The following RIMBP2 variants were observed in gnomAD, a reference collection of about 807,000 sequenced individuals.
RIMBP2 encodes the protein RIMS binding protein 2.
In RIMBP2, 48 loss-of-function variants were observed where a neutral mutation model predicts 118.6. That is an observed-to-expected ratio of 0.40 (90% confidence interval 0.32 to 0.51). The LOEUF (loss-of-function observed/expected upper bound fraction) is 0.51. RIMBP2 is among the 20% of genes least tolerant of loss of function. The pLI is 0.41. For synonymous variants in RIMBP2, 762 were observed against 742.9 expected (o/e 1.03, Z -0.42); for missense variants, 1,551 against 1,768.3 (o/e 0.88, Z 2.20).
chr12:130,646,109 AC>A lies in RIMBP2; in HGVS notation c.-351-17654del, dbSNP rs1566422108. On this transcript the variant is annotated intron_variant, in intron 1 of 22. Transcript: ENST00000690449. Reference sequence around the variant, plus strand: ...CACTTCCCTCTCCACCTCCCTCTCCACCTCCCTCACCACCTGCCTCTCCACC... The same window carrying A: ...CACTTCCCTCTCCACCTCCCTCTCCACTCCCTCACCACCTGCCTCTCCACC... 7.1e-4 allele frequency among the ~76,000 whole-genome samples: 90 copies of A among 127,262 alleles called. 7 individuals are homozygous for A. The highest frequency in any genetic ancestry group is 8.3e-3 in the Middle Eastern group (2 of 242). 83.5% of individuals were successfully genotyped at this position (127,262 alleles called of 152,430 possible).
chr12:130,562,337 T>A (rs1277918951), intron 2 of RIMBP2, among the ~76,000 whole-genome samples: 1 of 152,224 alleles, frequency 6.6e-6, no homozygotes, highest in Non-Finnish European at 1.5e-5. Context: ...TTAATTGAAA[T>A]GGAAAATTAT....
At chr12:130,685,389 A>T (rs543567947) in intron 1 of RIMBP2, among the ~76,000 whole-genome samples, 1 of 152,366 alleles carries the variant, frequency 6.6e-6, no homozygotes, top group South Asian at 2.1e-4. Flanking sequence ...ACAGATGTTA[A>T]AAATGGAACC....
At chr12:130,706,156 C>G (rs2066108438) in intron 1 of RIMBP2, among the ~76,000 whole-genome samples, 1 of 152,210 alleles carries the variant, frequency 6.6e-6, no homozygotes, top group Non-Finnish European at 1.5e-5. Context: ...ATTCCAGGCC[C>G]TGTTCTAAAT....
At chr12:130,609,400 A>C (rs1191684957) in intron 2 of RIMBP2, among the ~76,000 whole-genome samples, 1 of 131,178 alleles carries the variant, frequency 7.6e-6, no homozygotes, top group African/African-American at 2.8e-5. Flanking sequence ...TGATGTTGGC[A>C]GGGCCTTGAT....
intron 1 of RIMBP2, among the ~76,000 whole-genome samples, chr12:130,708,576 A>ATT (rs1566473567): frequency 3.3e-5 from 5 of 152,002 alleles, no homozygotes; most frequent in Non-Finnish European, 4.4e-5. Flanking sequence ...AGTCCCAGAT[A>ATT]CAAAGGATGC....
In RIMBP2 at chr12:130,610,090, T is replaced by C. The variant is rs545200257; in HGVS notation, c.-217+18232A>G. 1.1e-4 allele frequency among the ~76,000 whole-genome samples: 16 copies of C among 152,294 alleles called. No individual in the cohort carries two copies. In the South Asian group the frequency reaches 3.3e-3, roughly 32 times the overall value. ...AGTTAAGTTGGCACAAAGTCAACCA[T>C]CACGGGGGGAAAATGGGAAGCCTGC... On this transcript the variant is annotated intron_variant, in intron 2 of 22. Transcript: ENST00000690449.
At chr12:130,441,774 C>G in intron 11 of RIMBP2, 74 bp downstream of exon 11, 1 of 1,357,228 alleles carries the variant, frequency 7.4e-7, no homozygotes, top group East Asian at 2.4e-5. Flanking sequence ...CCTGCCCCAC[C>G]TTCCCTCCCC....
At chr12:130,443,019 C>T (rs945896310) in intron 10 of RIMBP2, among the ~76,000 whole-genome samples, 9 of 152,156 alleles carry the variant, frequency 5.9e-5, no homozygotes, top group African/African-American at 1.9e-4. Flanking sequence ...TGACAGCTGG[C>T]CCACAACAGT....
intron 2 of RIMBP2, among the ~76,000 whole-genome samples, chr12:130,600,304 T>A (rs1450265385): frequency 6.6e-6 from 1 of 152,138 alleles, no homozygotes; most frequent in African/African-American, 2.4e-5. Context: ...AGCATGACCA[T>A]ACAACACAAA....
At chr12:130,509,619 C>T (rs1016619685) in intron 3 of RIMBP2, among the ~76,000 whole-genome samples, 3 of 152,174 alleles carry the variant, frequency 2.0e-5, no homozygotes, top group African/African-American at 2.4e-5. Context: ...CAGGGAGGGC[C>T]TCTCCCACAC....
At chr12:130,668,374 T>G (rs1356071475) in intron 1 of RIMBP2, 2 of 152,188 alleles carry the variant, frequency 1.3e-5, no homozygotes, top group Non-Finnish European at 2.9e-5. Context: ...GGCTGAGAGA[T>G]ATGGACCTGG....
chr12:130,536,081 G>A (rs1213906303), intron 2 of RIMBP2, among the ~76,000 whole-genome samples: 1 of 151,970 alleles, frequency 6.6e-6, no homozygotes, highest in East Asian at 1.9e-4. Flanking sequence ...GAGCCATCAC[G>A]CCCAGTTGCA....
At chr12:130,465,966 G>C (rs1237598422) in intron 6 of RIMBP2, 2 of 152,260 alleles carry the variant, frequency 1.3e-5, no homozygotes, top group African/African-American at 2.4e-5. Context: ...CTGGACTCCG[G>C]AGCCAAACTC....
intron 4 of RIMBP2, among the ~76,000 whole-genome samples, chr12:130,485,851 A>G (rs558142173): frequency 6.6e-5 from 10 of 152,272 alleles, no homozygotes; most frequent in Admixed American, 4.6e-4. Flanking sequence ...ATGGATGGAA[A>G]CAAGTACAGG....
At chr12:130,691,943 G>C (rs1056052971) in intron 1 of RIMBP2, among the ~76,000 whole-genome samples, 1 of 152,196 alleles carries the variant, frequency 6.6e-6, no homozygotes, top group Non-Finnish European at 1.5e-5. Flanking sequence ...TCTAGAACGA[G>C]GAGAAGCGGA....
At chr12:130,634,595 CTTTTT>C (rs35020214) in intron 1 of RIMBP2, among the ~76,000 whole-genome samples, 1 of 149,034 alleles carries the variant, frequency 6.7e-6, no homozygotes, top group Non-Finnish European at 1.5e-5. Flanking sequence ...TTAAAGATGA[CTTTTT>C]TTTTTTTTCC....
chr12:130,598,839 G>A (rs895775662), intron 2 of RIMBP2, among the ~76,000 whole-genome samples: 7 of 152,142 alleles, frequency 4.6e-5, no homozygotes, highest in African/African-American at 1.4e-4. Context: ...AAAAAGAATA[G>A]AGATCCCATA....
At chr12:130,398,180 G>A (rs568727524) in intron 22 of RIMBP2, 11 of 152,358 alleles carry the variant, frequency 7.2e-5, no homozygotes, top group African/African-American at 1.7e-4. Flanking sequence ...TTAAATATAC[G>A]TTAAGCGCTT....
intron 4 of RIMBP2, among the ~76,000 whole-genome samples, chr12:130,503,476 C>T (rs1395898819): frequency 2.0e-5 from 3 of 152,080 alleles, no homozygotes; most frequent in Non-Finnish European, 4.4e-5. Flanking sequence ...CCAGCCTTAG[C>T]GTTCCTCCCC....
Sources: allele counts gnomAD v4.1 joint callset (sites outside exome capture counted in the v4.1 genomes callset), GRCh38; gene constraint gnomAD v4.1.1; transcripts MANE v1.5; gene names NCBI Gene and HGNC (gene_info 2026-07-23, HGNC 2026-07-21).